Variants in SLC13A1 observed in about 807,000 individuals in gnomAD.
The protein encoded by SLC13A1 is solute carrier family 13 member 1, also known as Na(+)/sulfate cotransporter.
In SLC13A1, 65 loss-of-function variants were observed where a neutral mutation model predicts 70.0. The ratio of observed to expected loss-of-function variants is 0.93; its 90% CI spans 0.76 to 1.14. The LOEUF (loss-of-function observed/expected upper bound fraction) is 1.14, where lower values mean the gene tolerates loss of function less well. SLC13A1 is among the 50% of genes most tolerant of loss of function. The pLI, the probability that SLC13A1 is intolerant of heterozygous loss-of-function variation, is 0.00. For missense variants in SLC13A1, 726 were observed against 717.8 expected, an observed-to-expected ratio of 1.01 and a Z score of -0.13; for synonymous variants, 275 against 250.5, an observed-to-expected ratio of 1.10 and a Z score of -0.92.
intron 10 of SLC13A1, among the ~76,000 whole-genome samples, chr7:123,127,562 G>C (rs925686175): frequency 5.3e-5 from 8 of 151,940 alleles, no homozygotes; most frequent in Non-Finnish European, 1.0e-4. Flanking sequence ...ATAATAACTT[G>C]ATTTAAATAA....
Position 123,148,427 on chromosome 7 carries a change from A to G in SLC13A1, c.661-1117T>C, listed in dbSNP as rs1420259215. The G allele has an allele frequency of 6.7e-6, 3 of 448,858 alleles. No homozygotes were observed. In the East Asian group the frequency reaches 2.1e-4, roughly 32 times the overall value. The allele number at this position is 448,858 out of a possible 1,614,324, so 27.8% of individuals were successfully genotyped here. Reference sequence around the variant, plus strand: ...ATACCTTGGACAATGGCACATCCTGAAATGGTTTCACTTGGGGAATCACTA... The same window carrying G: ...ATACCTTGGACAATGGCACATCCTGGAATGGTTTCACTTGGGGAATCACTA... On this transcript the variant is annotated intron_variant, in intron 6 of 14. Coordinates refer to ENST00000194130, the MANE Select transcript of SLC13A1 (RefSeq NM_022444.4).
chr7:123,149,275 T>A (rs1408078123), intron 6 of SLC13A1, among the ~76,000 whole-genome samples: 2 of 152,184 alleles, frequency 1.3e-5, no homozygotes, highest in Admixed American at 6.6e-5. Flanking sequence ...CTCTGTCCTG[T>A]TGTCAGTGAC....
chr7:123,172,644 T>A (rs530698021), intron 2 of SLC13A1, among the ~76,000 whole-genome samples: 3 of 152,098 alleles, frequency 2.0e-5, no homozygotes, highest in Non-Finnish European at 2.9e-5. Context: ...AATAAAATTG[T>A]AAAACAAATA....
Position 123,189,766 on chromosome 7 carries a change from A to T in SLC13A1, c.100-8665T>A, listed in dbSNP as rs1012168846. Among the ~76,000 whole-genome samples the T allele has an allele frequency of 7.9e-5, 12 of 152,134 alleles. 1 individual carries two copies. Among genetic ancestry groups the T allele is most frequent in the South Asian group, 6.2e-4 (3 of 4,826 alleles). Reference sequence around the variant, plus strand: ...TCATTATTATTGAAATGAAAAATTTATCTAATTACAATCCTTTTGGAGATT... The same window carrying T: ...TCATTATTATTGAAATGAAAAATTTTTCTAATTACAATCCTTTTGGAGATT... On this transcript the variant is annotated intron_variant, in intron 1 of 14. Coordinates refer to ENST00000194130, the MANE Select transcript of SLC13A1 (RefSeq NM_022444.4).
Position 123,115,525 on chromosome 7 carries a change from A to T in SLC13A1, c.1781T>A (p.Met594Lys). The T allele has an allele frequency of 6.2e-7, 1 of 1,611,272 alleles. No homozygotes were observed. The highest frequency in any genetic ancestry group is 8.5e-7 in the Non-Finnish European group (1 of 1,178,012). ...SWAPAMSNET[M>K]P ...TCAGAAATTTTGTGCTTATTATGGC[A>T]TGGTCTCATTACTCATAGCAGGAGC... The change falls in exon 15 of 15, where the codon ATG (methionine) becomes AAG (lysine). Residue 594 changes from methionine (M) to lysine (K), a missense_variant. Met to Lys is a moderately conservative substitution (Grantham distance 95). Coordinates refer to ENST00000194130, the MANE Select transcript of SLC13A1 (RefSeq NM_022444.4).
At chr7:123,117,697 C>A in intron 13 of SLC13A1, 89 bp from the exon 14 acceptor site, 3 of 715,476 alleles carry the variant, frequency 4.2e-6, no homozygotes, top group Non-Finnish European at 6.7e-6. Flanking sequence ...ATAAGCCTTC[C>A]CAGAAGCATG....
chr7:123,155,726 A>G (rs895543498), intron 6 of SLC13A1, among the ~76,000 whole-genome samples: 4 of 152,168 alleles, frequency 2.6e-5, no homozygotes, highest in Admixed American at 1.3e-4. Flanking sequence ...AGAAAATTCT[A>G]AGGTCAATGT....
chr7:123,193,319 A>AG (rs1376631445), intron 1 of SLC13A1, among the ~76,000 whole-genome samples: 1 of 152,124 alleles, frequency 6.6e-6, no homozygotes, highest in Non-Finnish European at 1.5e-5. Flanking sequence ...AAATAAAAAA[A>AG]AAAATCAGCC....
Position 123,128,828 on chromosome 7 carries a change from T to C in SLC13A1, c.1133+17A>G, listed in dbSNP as rs751963467. On this transcript the variant is annotated intron_variant, in intron 10 of 14. Transcript: ENST00000194130. ...ATAAAACAGGAAGGGCTGACAAACA[T>C]AACGTGCAAAGCTTACTCTGAAAAA... 1 of 1,563,832 alleles carries C rather than the reference T, an allele frequency of 6.4e-7. No homozygotes were observed. Among genetic ancestry groups the C allele is most frequent in the Non-Finnish European group, 8.8e-7 (1 of 1,135,606 alleles).
In SLC13A1 at chr7:123,115,309, T is replaced by C. The variant is rs1352655043; in HGVS notation, c.*209A>G. 5.3e-6 allele frequency: 2 copies of C among 377,698 alleles called. No individual in the cohort carries two copies. Among genetic ancestry groups the C allele is most frequent in the Non-Finnish European group, 4.7e-6 (1 of 211,460 alleles). 23.4% of individuals were successfully genotyped at this position (377,698 alleles called of 1,614,324 possible). ...AAATCTCAAAACATGGGCTTCTTGA[T>C]GAAGGCACATAGATGCTCTTTAGTT... On this transcript the variant is annotated 3_prime_UTR_variant, in exon 15 of 15. Transcript: ENST00000194130.
chr7:123,138,682 G>C (rs564778102), intron 7 of SLC13A1, among the ~76,000 whole-genome samples: 2 of 152,132 alleles, frequency 1.3e-5, no homozygotes, highest in East Asian at 3.9e-4. Context: ...GATGTTGCAT[G>C]CTTTTTCATA....
intron 13 of SLC13A1, 139 bp downstream of exon 13, chr7:123,118,942 A>G (rs530495536): frequency 1.6e-6 from 1 of 627,158 alleles, no homozygotes; most frequent in East Asian, 2.9e-5. Flanking sequence ...ATTAATACAA[A>G]TAAAGACCAC....
chr7:123,123,089 TG>T, intron 12 of SLC13A1, 36 bp downstream of exon 12: 1 of 1,388,348 alleles, frequency 7.2e-7, no homozygotes, highest in Non-Finnish European at 1.0e-6. Flanking sequence ...TTGAACAGTC[TG>T]GTTAATTGTT....
intron 2 of SLC13A1, among the ~76,000 whole-genome samples, chr7:123,177,723 T>C (rs1029894723): frequency 6.6e-6 from 1 of 152,142 alleles, no homozygotes; most frequent in African/African-American, 2.4e-5. Flanking sequence ...CAGGTATCAC[T>C]ATCTCAAGGA....
At chr7:123,183,849 T>C (rs1795713524) in intron 1 of SLC13A1, among the ~76,000 whole-genome samples, 1 of 152,208 alleles carries the variant, frequency 6.6e-6, no homozygotes, top group Non-Finnish European at 1.5e-5. Flanking sequence ...GCTGAATCCC[T>C]GGATTCATAA....
chr7:123,120,010 T>G (rs1169577530), intron 12 of SLC13A1, among the ~76,000 whole-genome samples: 2 of 152,032 alleles, frequency 1.3e-5, no homozygotes, highest in African/African-American at 4.8e-5. Context: ...AAATTAAAAC[T>G]AAAAAACTCC....
chr7:123,152,891 A>G (rs1032860143), intron 6 of SLC13A1, among the ~76,000 whole-genome samples: 2 of 152,134 alleles, frequency 1.3e-5, no homozygotes, highest in African/African-American at 4.8e-5. Context: ...TGAGTCATAC[A>G]AAGTGGCAAT....
chr7:123,169,182 G>A lies in SLC13A1; in HGVS notation c.519C>T (p.Phe173=). The A allele has an allele frequency of 6.2e-7, 1 of 1,614,072 alleles. No individual in the cohort carries two copies. The highest frequency in any genetic ancestry group is 8.5e-7 in the Non-Finnish European group (1 of 1,179,974). The change falls in exon 4 of 15, where the codon TTC becomes TTT. Residue 173 remains phenylalanine, a synonymous_variant. Transcript: ENST00000194130. ...AEVEATQMTY[F]NGSTNHGLEI... is the part of the protein sequence containing the mutation. ...CTAGTCCGTGGTTGGTTGATCCGTT[G>A]AAGTAAGTCATCTGAGTGGCCTCGA... is the stretch of plus-strand genomic sequence containing the variant.
intron 8 of SLC13A1, among the ~76,000 whole-genome samples, chr7:123,133,800 G>T (rs1205159645): frequency 1.3e-5 from 2 of 152,026 alleles, no homozygotes; most frequent in Non-Finnish European, 2.9e-5. Context: ...AAAGTGCTGG[G>T]ATTACAGGTG....
Sources: allele counts gnomAD v4.1 joint callset (sites outside exome capture counted in the v4.1 genomes callset), GRCh38; gene constraint gnomAD v4.1.1; transcripts MANE v1.5; gene names NCBI Gene and HGNC (gene_info 2026-07-23, HGNC 2026-07-21).